TMEM267: variants seen among roughly 807,000 people sequenced by gnomAD.
The protein encoded by TMEM267 is transmembrane protein 267, also known as transmembrane protein C5orf28.
A neutral mutation model predicts 19.3 loss-of-function variants in TMEM267; 20 were observed. The observed-to-expected ratio is 1.04, with a 90% CI of 0.73 to 1.51. The LOEUF is 1.51. Among genes scored for constraint, TMEM267 ranks in the 40% most tolerant of loss-of-function variants. The pLI, the probability that TMEM267 is intolerant of heterozygous loss-of-function variation, is 0.00. For synonymous variants in TMEM267, 88 were observed against 90.3 expected (o/e 0.97, Z 0.15); for missense variants, 242 against 261.9 (o/e 0.92, Z 0.52).
chr5:43,456,203 T>C (rs1321068287), intron 1 of TMEM267, among the ~76,000 whole-genome samples: 1 of 152,174 alleles, frequency 6.6e-6, no homozygotes, highest in East Asian at 1.9e-4. Context: ...TTTCAACAAA[T>C]GGTGTGAGAA....
rs531500541 is a variant in TMEM267, at chr5:43,483,169, A to G, written c.-75+653T>C. ...GCAACTAACTGACAAAGGAAACACA[A>G]ATCTTGCTTACTTTCACTGAAACTT... On this transcript the variant is annotated intron_variant, in intron 1 of 2. Transcript: ENST00000397080. 9.2e-5 allele frequency among the ~76,000 whole-genome samples: 14 copies of G among 152,328 alleles called. No individual in the cohort carries two copies. In the South Asian group the frequency reaches 1.9e-3, roughly 20 times the overall value.
chr5:43,451,584 A>G (rs190590149), intron 2 of TMEM267, among the ~76,000 whole-genome samples: 9 of 152,330 alleles, frequency 5.9e-5, no homozygotes, highest in Middle Eastern at 3.4e-3. Context: ...CTATTATTAA[A>G]AAGTCAAAAA....
intron 1 of TMEM267, among the ~76,000 whole-genome samples, chr5:43,483,180 C>A (rs970213676): frequency 6.6e-6 from 1 of 152,238 alleles, no homozygotes; most frequent in African/African-American, 2.4e-5. Flanking sequence ...ATCTTGCTTA[C>A]TTTCACTGAA....
chr5:43,470,817 G>A (rs1321907502), intron 1 of TMEM267, among the ~76,000 whole-genome samples: 3 of 152,074 alleles, frequency 2.0e-5, no homozygotes, highest in Non-Finnish European at 4.4e-5. Context: ...GTTTGCGGAT[G>A]ATATGATCTT....
intron 2 of TMEM267, among the ~76,000 whole-genome samples, chr5:43,452,077 C>CA (rs375224453): frequency 0.6 from 51,487 of 86,208 alleles, 14,707 homozygotes; most frequent in African/African-American, 0.72. Flanking sequence ...GACCCTATCT[C>CA]AAAAAAAAAA....
intron 1 of TMEM267, among the ~76,000 whole-genome samples, chr5:43,472,368 G>A (rs994813687): frequency 6.6e-6 from 1 of 152,022 alleles, no homozygotes; most frequent in African/African-American, 2.4e-5. Context: ...CAGCCACTAT[G>A]GAGAACAATT....
intron 1 of TMEM267, among the ~76,000 whole-genome samples, chr5:43,463,461 C>A (rs1423212552): frequency 6.6e-6 from 1 of 152,064 alleles, no homozygotes. Context: ...CATCCTGATA[C>A]CAAAGCCTGG....
rs869260304 is a variant in TMEM267 at position 43,480,797 on chromosome 5, C to CTTTTTTTTTTT, written c.-75+3014_-75+3024dup. ...ATATATTTAAATGTTAATAATCTTA[C>CTTTTTTTTTTT]TTTTTTTTTTTTTTTTTTTTTTTGA... On this transcript the variant is annotated intron_variant, in intron 1 of 2. Coordinates refer to ENST00000397080, the MANE Select transcript of TMEM267 (RefSeq NM_022483.5). Among the ~76,000 whole-genome samples the CTTTTTTTTTTT allele has an allele frequency of 5.0e-5, 4 of 79,582 alleles. 1 individual carries two copies. Among genetic ancestry groups the CTTTTTTTTTTT allele is most frequent in the Non-Finnish European group, 6.8e-5 (3 of 44,100 alleles). 52.2% of individuals were successfully genotyped at this position (79,582 alleles called of 152,430 possible).
intron 2 of TMEM267, among the ~76,000 whole-genome samples, chr5:43,447,327 T>C (rs1212766296): frequency 6.6e-6 from 1 of 152,162 alleles, no homozygotes; most frequent in Non-Finnish European, 1.5e-5. Flanking sequence ...TGAACTCAGA[T>C]GATCCACCCA....
At chr5:43,482,192 C>T (rs934251854) in intron 1 of TMEM267, among the ~76,000 whole-genome samples, 1 of 152,118 alleles carries the variant, frequency 6.6e-6, no homozygotes, top group Non-Finnish European at 1.5e-5. Context: ...ATTTATTACA[C>T]AATAGATACG....
intron 1 of TMEM267, among the ~76,000 whole-genome samples, chr5:43,466,946 TGA>T (rs1258869905): frequency 6.6e-6 from 1 of 151,704 alleles, no homozygotes; most frequent in African/African-American, 2.4e-5. Flanking sequence ...GTCAGGAGTT[TGA>T]GAGTAGCCTA....
At chr5:43,467,485 C>T (rs563065663) in intron 1 of TMEM267, among the ~76,000 whole-genome samples, 1 of 152,064 alleles carries the variant, frequency 6.6e-6, no homozygotes, top group African/African-American at 2.4e-5. Flanking sequence ...GTATAAGAGA[C>T]AAGGTCACTG....
chr5:43,463,985 T>C (rs1743445730), intron 1 of TMEM267, among the ~76,000 whole-genome samples: 2 of 152,076 alleles, frequency 1.3e-5, no homozygotes, highest in Admixed American at 1.3e-4. Flanking sequence ...AAATAAAGGG[T>C]ATTCAATTAG....
At chr5:43,460,477 G>A (rs1743195977) in intron 1 of TMEM267, among the ~76,000 whole-genome samples, 1 of 151,736 alleles carries the variant, frequency 6.6e-6, no homozygotes, top group Non-Finnish European at 1.5e-5. Context: ...ACCTTCATAA[G>A]AACCAAAAAT....
chr5:43,482,104 A>C (rs1276188218), intron 1 of TMEM267, among the ~76,000 whole-genome samples: 1 of 152,096 alleles, frequency 6.6e-6, no homozygotes, highest in African/African-American at 2.4e-5. Flanking sequence ...CGGCCTCCCA[A>C]AGTGCTGGGA....
chr5:43,449,498 A>G (rs117224037), intron 2 of TMEM267, among the ~76,000 whole-genome samples: 2,099 of 152,330 alleles, frequency 0.014, 58 homozygotes, highest in East Asian at 0.13. Flanking sequence ...ATCTATTAAA[A>G]GAGCCCATCT....
At chr5:43,458,386 G>A (rs1022366562) in intron 1 of TMEM267, among the ~76,000 whole-genome samples, 1 of 152,206 alleles carries the variant, frequency 6.6e-6, no homozygotes, top group Non-Finnish European at 1.5e-5. Flanking sequence ...ACAGGCGTGA[G>A]CCACTGAACC....
chr5:43,468,240 T>G, intron 1 of TMEM267, among the ~76,000 whole-genome samples: 1 of 152,196 alleles, frequency 6.6e-6, no homozygotes, highest in Middle Eastern at 3.2e-3. Flanking sequence ...TTAAGACTAT[T>G]ACAAGGTGAA....
At chr5:43,462,973 CT>C (rs1322812296) in intron 1 of TMEM267, among the ~76,000 whole-genome samples, 2 of 152,078 alleles carry the variant, frequency 1.3e-5, no homozygotes, top group East Asian at 3.9e-4. Context: ...ACACAAAAAA[CT>C]TTTCAAAAAA....
Sources: allele counts gnomAD v4.1 joint callset (sites outside exome capture counted in the v4.1 genomes callset), GRCh38; gene constraint gnomAD v4.1.1; transcripts MANE v1.5; gene names NCBI Gene and HGNC (gene_info 2026-07-23, HGNC 2026-07-21).